DIAPH2: variants seen among roughly 807,000 people sequenced by gnomAD.
DIAPH2 encodes the protein diaphanous related formin 2, also known as protein diaphanous homolog 2.
Under a neutral mutation model 92.7 loss-of-function variants are expected in DIAPH2, and 35 were observed. That is an observed-to-expected ratio of 0.38 (90% CI 0.29 to 0.50). The LOEUF is 0.50. DIAPH2 is among the 20% of genes least tolerant of loss of function. The pLI is 0.94. For missense variants in DIAPH2, 701 were observed against 819.5 expected, an observed-to-expected ratio of 0.86 and a Z score of 1.77; for synonymous variants, 301 against 280.4, an observed-to-expected ratio of 1.07 and a Z score of -0.73.
intron 4 of DIAPH2, among the ~76,000 whole-genome samples, chrX:96,881,208 T>G: frequency 8.9e-6 from 1 of 111,759 alleles, no homozygotes; most frequent in Middle Eastern, 4.7e-3. Context: ...AATATACATA[T>G]CTTAACTAGG....
intron 23 of DIAPH2, among the ~76,000 whole-genome samples, chrX:97,313,118 G>C (rs747633025): frequency 9.0e-6 from 1 of 111,169 alleles, no homozygotes; most frequent in Non-Finnish European, 1.9e-5. Context: ...CCGGGAGGCA[G>C]AGTTTGCAGT....
intron 26 of DIAPH2, among the ~76,000 whole-genome samples, chrX:97,589,283 C>T (rs2071500915): frequency 1.2e-5 from 1 of 82,308 alleles, no homozygotes; most frequent in African/African-American, 4.5e-5. Context: ...CACCACTGCA[C>T]TCCAGCCTGC....
intron 17 of DIAPH2, among the ~76,000 whole-genome samples, chrX:97,044,233 A>AT (rs199759191): frequency 4.5e-4 from 48 of 107,726 alleles, no homozygotes; most frequent in South Asian, 2.0e-3. Flanking sequence ...TATGTGATTT[A>AT]TTTTTTTTTT....
At chrX:97,517,644 G>A (rs2147842962) in intron 26 of DIAPH2, among the ~76,000 whole-genome samples, 1 of 112,571 alleles carries the variant, frequency 8.9e-6, no homozygotes, top group South Asian at 3.7e-4. Context: ...GATCTCACCT[G>A]AGAAGCTTAA....
At chrX:96,813,299 C>G (rs1243899325) in intron 4 of DIAPH2, among the ~76,000 whole-genome samples, 6 of 109,335 alleles carry the variant, frequency 5.5e-5, no homozygotes, top group African/African-American at 2.0e-4. Flanking sequence ...CTCTTTTGAT[C>G]TTTGTTGGTT....
chrX:97,350,626 AC>A (rs1404803542), intron 24 of DIAPH2, among the ~76,000 whole-genome samples: 1 of 112,244 alleles, frequency 8.9e-6, no homozygotes, highest in Non-Finnish European at 1.9e-5. Flanking sequence ...TGGTACTGCC[AC>A]TAAAAAGCTG....
chrX:97,250,968 C>G (rs888259866), intron 23 of DIAPH2, among the ~76,000 whole-genome samples: 2 of 111,480 alleles, frequency 1.8e-5, no homozygotes, highest in Non-Finnish European at 3.8e-5. Flanking sequence ...AAAAAAACCT[C>G]TCCTTTGAAT....
chrX:97,575,879 A>C (rs1299979437), intron 26 of DIAPH2, among the ~76,000 whole-genome samples: 2 of 112,084 alleles, frequency 1.8e-5, no homozygotes, highest in Non-Finnish European at 3.8e-5. Flanking sequence ...AGTGCTGAAA[A>C]TTACTAACAC....
At chrX:96,888,573 A>ATATATATCTGTG (rs774258757) in intron 5 of DIAPH2, among the ~76,000 whole-genome samples, 80 of 96,280 alleles carry the variant, frequency 8.3e-4, no homozygotes, top group African/African-American at 3.1e-3. Flanking sequence ...ATACACAGAT[A>ATATATATCTGTG]TATATATCTA....
chrX:97,216,459 C>T (rs2067884409), intron 22 of DIAPH2, among the ~76,000 whole-genome samples: 1 of 108,282 alleles, frequency 9.2e-6, no homozygotes, highest in South Asian at 4.1e-4. Context: ...TGTGCACCAC[C>T]ATGCCTGGCT....
intron 17 of DIAPH2, among the ~76,000 whole-genome samples, chrX:97,014,833 C>G (rs1166374700): frequency 8.9e-6 from 1 of 111,799 alleles, no homozygotes; most frequent in East Asian, 2.8e-4. Flanking sequence ...ATAGGGTTTT[C>G]ATGATGGTAA....
At chrX:96,943,332 A>C (rs1469403818) in intron 13 of DIAPH2, among the ~76,000 whole-genome samples, 1 of 111,245 alleles carries the variant, frequency 9.0e-6, no homozygotes, top group Non-Finnish European at 1.9e-5. Context: ...TTGTATATAA[A>C]TGTTTGGCTT....
intron 17 of DIAPH2, among the ~76,000 whole-genome samples, chrX:97,038,743 A>G (rs1313289840): frequency 9.1e-6 from 1 of 110,062 alleles, no homozygotes; most frequent in Non-Finnish European, 1.9e-5. Context: ...TTTGTTGGCC[A>G]TTTGTGTATC....
chrX:97,554,727 A>G (rs1227782900), intron 26 of DIAPH2, among the ~76,000 whole-genome samples: 1 of 111,808 alleles, frequency 8.9e-6, no homozygotes, highest in Non-Finnish European at 1.9e-5. Flanking sequence ...TCTGTGCCTC[A>G]TTTTCCTCAT....
rs1193736555 is a variant in DIAPH2 at position 96,763,101 on chromosome X, T to C, written c.447+4843T>C. ...CTCTTCGTTGACCACTGCATGCAGA[T>C]AGTTGGAAGTAAAGTTACGGTGAGT... On this transcript the variant is annotated intron_variant, in intron 4 of 26. Transcript: ENST00000324765. 3 of 964,977 alleles carry C rather than the reference T, an allele frequency of 3.1e-6. No individual in the cohort carries two copies. The South Asian group carries it at 6.1e-5, about 20-fold the overall frequency. 79.5% of individuals were successfully genotyped at this position (964,977 alleles called of 1,213,427 possible). A position where few individuals can be genotyped will look rare whatever the true frequency, so the allele number is the denominator to read the frequency against.
chrX:97,131,894 G>T (rs914387447), intron 21 of DIAPH2, among the ~76,000 whole-genome samples: 1 of 111,685 alleles, frequency 9.0e-6, no homozygotes, highest in Admixed American at 9.5e-5. Flanking sequence ...TACAAATGAT[G>T]GTTAATTTGC....
chrX:96,751,869 G>C (rs1024898102), intron 3 of DIAPH2, among the ~76,000 whole-genome samples: 1 of 96,425 alleles, frequency 1.0e-5, no homozygotes, highest in African/African-American at 3.5e-5. Flanking sequence ...TAGCCGGGAT[G>C]GTCTCGATCT....
intron 23 of DIAPH2, among the ~76,000 whole-genome samples, chrX:97,330,761 C>A (rs1010668336): frequency 3.6e-5 from 4 of 110,684 alleles, no homozygotes; most frequent in Non-Finnish European, 7.6e-5. Flanking sequence ...GATCTACCCA[C>A]CTCAGCCTCC....
chrX:96,872,006 A>T (rs1460105863), intron 4 of DIAPH2, among the ~76,000 whole-genome samples: 2 of 112,312 alleles, frequency 1.8e-5, no homozygotes, highest in African/African-American at 6.5e-5. Flanking sequence ...TACATATAGT[A>T]TGATTTCATG....
Sources: allele counts gnomAD v4.1 joint callset (sites outside exome capture counted in the v4.1 genomes callset), GRCh38; gene constraint gnomAD v4.1.1; transcripts MANE v1.5; gene names NCBI Gene and HGNC (gene_info 2026-07-23, HGNC 2026-07-21).